The following PAPPA2 variants were observed in gnomAD, a reference collection of about 807,000 sequenced individuals.
The protein encoded by PAPPA2 is pappalysin-2.
Under a neutral mutation model 176.4 loss-of-function variants are expected in PAPPA2, and 86 were observed. The observed-to-expected ratio is 0.49, with a 90% CI of 0.41 to 0.58. The LOEUF is 0.58. PAPPA2 is among the 20% of genes least tolerant of loss of function. The pLI, the probability that PAPPA2 is intolerant of heterozygous loss-of-function variation, is 0.00. For synonymous variants in PAPPA2, 809 were observed against 852.2 expected (o/e 0.95, Z 0.88); for missense variants, 2,073 against 2,256.9 (o/e 0.92, Z 1.65).
At chr1:176,700,518 C>T (rs926265127) in intron 8 of PAPPA2, among the ~76,000 whole-genome samples, 1 of 152,212 alleles carries the variant, frequency 6.6e-6, no homozygotes, top group Non-Finnish European at 1.5e-5. Context: ...GGGATGACTT[C>T]CCACACAGCT....
At chr1:176,842,054 A>T (rs1261501529) in intron 22 of PAPPA2, among the ~76,000 whole-genome samples, 1 of 152,192 alleles carries the variant, frequency 6.6e-6, no homozygotes, top group Non-Finnish European at 1.5e-5. Context: ...TAATATTAGA[A>T]CTGATAGAAT....
At chr1:176,604,975 G>A (rs983751309) in intron 3 of PAPPA2, among the ~76,000 whole-genome samples, 1 of 152,096 alleles carries the variant, frequency 6.6e-6, no homozygotes, top group African/African-American at 2.4e-5. Flanking sequence ...TGGTAGCGTT[G>A]CCCCATTTAG....
intron 12 of PAPPA2, among the ~76,000 whole-genome samples, chr1:176,716,954 C>T (rs139052040): frequency 6.6e-6 from 1 of 152,088 alleles, no homozygotes. Context: ...AGGCTTTCAA[C>T]CCATCCCCTC....
chr1:176,836,969 G>A (rs1667294835), intron 21 of PAPPA2, among the ~76,000 whole-genome samples: 1 of 152,104 alleles, frequency 6.6e-6, no homozygotes, highest in African/African-American at 2.4e-5. Flanking sequence ...TATACCCATA[G>A]ACAGCAGACA....
intron 3 of PAPPA2, among the ~76,000 whole-genome samples, chr1:176,620,824 A>G (rs1655552112): frequency 6.6e-6 from 1 of 152,178 alleles, no homozygotes; most frequent in African/African-American, 2.4e-5. Flanking sequence ...TGAGTATAAA[A>G]AGTAATTCAA....
At chr1:176,644,968 T>C (rs917148849) in intron 3 of PAPPA2, among the ~76,000 whole-genome samples, 1 of 151,874 alleles carries the variant, frequency 6.6e-6, no homozygotes, top group African/African-American at 2.4e-5. Flanking sequence ...GTTTTACTTA[T>C]ACAGAATAGT....
intron 3 of PAPPA2, among the ~76,000 whole-genome samples, chr1:176,621,922 T>C (rs899855470): frequency 6.6e-6 from 1 of 152,224 alleles, no homozygotes; most frequent in Non-Finnish European, 1.5e-5. Flanking sequence ...GGTGTTCTCA[T>C]TAATCAATTA....
At chr1:176,469,334 C>A (rs1651770212) in intron 1 of PAPPA2, among the ~76,000 whole-genome samples, 1 of 152,296 alleles carries the variant, frequency 6.6e-6, no homozygotes, top group East Asian at 1.9e-4. Flanking sequence ...CTCTCCCTCA[C>A]CTTGCTTTCT....
At chr1:176,637,537 A>G (rs1558488570) in intron 3 of PAPPA2, among the ~76,000 whole-genome samples, 1 of 152,112 alleles carries the variant, frequency 6.6e-6, no homozygotes, top group Non-Finnish European at 1.5e-5. Context: ...AATTTGTGGG[A>G]CAGATTCTAT....
intron 21 of PAPPA2, among the ~76,000 whole-genome samples, chr1:176,825,981 T>C (rs911453825): frequency 2.0e-5 from 3 of 152,194 alleles, no homozygotes; most frequent in African/African-American, 7.2e-5. Context: ...ATTGAGTGTT[T>C]TTAGCATTCC....
At chr1:176,511,606 G>A (rs1648601257) in intron 1 of PAPPA2, among the ~76,000 whole-genome samples, 2 of 152,314 alleles carry the variant, frequency 1.3e-5, no homozygotes, top group South Asian at 4.1e-4. Flanking sequence ...CTGTGAAGAT[G>A]TTTCTAAAAG....
intron 1 of PAPPA2, among the ~76,000 whole-genome samples, chr1:176,525,739 G>T (rs998209880): frequency 6.6e-6 from 1 of 152,220 alleles, no homozygotes; most frequent in African/African-American, 2.4e-5. Flanking sequence ...GGCCCATTGA[G>T]GGTACAGCCA....
intron 14 of PAPPA2, among the ~76,000 whole-genome samples, chr1:176,763,593 A>G (rs1483508533): frequency 6.6e-6 from 1 of 152,238 alleles, no homozygotes; most frequent in Non-Finnish European, 1.5e-5. Flanking sequence ...CGTTGAATAT[A>G]AAGTGGGTAA....
At chr1:176,818,608 C>T (rs1188289313) in intron 21 of PAPPA2, among the ~76,000 whole-genome samples, 2 of 83,560 alleles carry the variant, frequency 2.4e-5, no homozygotes, top group Non-Finnish European at 4.3e-5. Context: ...TGACCCACTG[C>T]CCCCCTGGTA....
At chr1:176,823,878 A>C (rs952396629) in intron 21 of PAPPA2, among the ~76,000 whole-genome samples, 6 of 152,204 alleles carry the variant, frequency 3.9e-5, no homozygotes, top group Admixed American at 3.9e-4. Context: ...TAGTCTAAGA[A>C]GAAATCATGG....
chr1:176,585,573 C>A (rs1299462470), intron 2 of PAPPA2, among the ~76,000 whole-genome samples: 1 of 151,920 alleles, frequency 6.6e-6, no homozygotes, highest in Non-Finnish European at 1.5e-5. Context: ...AAATAGGTTT[C>A]CTTCACCTTT....
chr1:176,591,093 A>T (rs1573090020), intron 2 of PAPPA2, among the ~76,000 whole-genome samples: 1 of 137,632 alleles, frequency 7.3e-6, no homozygotes, highest in East Asian at 2.0e-4. Flanking sequence ...ATGCACACAC[A>T]CACACACACA....
intron 1 of PAPPA2, among the ~76,000 whole-genome samples, chr1:176,477,768 T>C (rs1327026108): frequency 3.6e-5 from 4 of 110,710 alleles, no homozygotes; most frequent in African/African-American, 2.1e-4. Flanking sequence ...ATAAAAAACA[T>C]TAAAAAATAA....
At chr1:176,630,043 G>C (rs945786302) in intron 3 of PAPPA2, among the ~76,000 whole-genome samples, 1 of 152,100 alleles carries the variant, frequency 6.6e-6, no homozygotes, top group South Asian at 2.1e-4. Context: ...TGGGGGACAA[G>C]AGTGAGACTT....
Sources: gnomAD v4.1 joint callset for allele counts (sites outside exome capture counted in the v4.1 genomes callset) on GRCh38, gnomAD v4.1.1 for gene constraint, MANE v1.5 for transcripts, NCBI Gene and HGNC (gene_info 2026-07-23, HGNC 2026-07-21) for gene names.